PSMA8: variants seen among roughly 807,000 people sequenced by gnomAD.
PSMA8 encodes the protein proteasome subunit alpha-type 8.
Under a neutral mutation model 32.4 loss-of-function variants are expected in PSMA8, and 18 were observed. That is an observed-to-expected ratio of 0.56 (90% CI 0.38 to 0.82). The LOEUF (loss-of-function observed/expected upper bound fraction) is 0.82, where lower values mean the gene tolerates loss of function less well. PSMA8 is among the 40% of genes least tolerant of loss of function. PSMA8 has a pLI of 0.00. For synonymous variants in PSMA8, 104 were observed against 98.1 expected (o/e 1.06, Z -0.36); for missense variants, 298 against 300.7 (o/e 0.99, Z 0.07).
intron 3 of PSMA8, among the ~76,000 whole-genome samples, chr18:26,153,980 C>T (rs1261297757): frequency 6.6e-6 from 1 of 152,190 alleles, no homozygotes; most frequent in East Asian, 1.9e-4. Context: ...CAGCTCCCTG[C>T]AACCTCTGCC....
intron 4 of PSMA8, among the ~76,000 whole-genome samples, chr18:26,158,753 T>C (rs1276267781): frequency 6.6e-6 from 1 of 152,208 alleles, no homozygotes; most frequent in African/African-American, 2.4e-5. Flanking sequence ...CTGTTATTCT[T>C]GTTTTGACAC....
intron 6 of PSMA8, among the ~76,000 whole-genome samples, chr18:26,184,295 T>A (rs2055335221): frequency 6.6e-6 from 1 of 150,700 alleles, no homozygotes; most frequent in South Asian, 2.1e-4. Context: ...GATGAAAAAT[T>A]TAAAAAGAAC....
At chr18:26,186,067 C>T (rs1413438947) in intron 6 of PSMA8, among the ~76,000 whole-genome samples, 2 of 148,670 alleles carry the variant, frequency 1.3e-5, no homozygotes, top group African/African-American at 2.5e-5. Flanking sequence ...AGTGAAACCC[C>T]GTCTCTACTA....
At chr18:26,163,248 T>A in intron 4 of PSMA8, among the ~76,000 whole-genome samples, 1 of 112,738 alleles carries the variant, frequency 8.9e-6, no homozygotes, top group African/African-American at 3.6e-5. Context: ...TATATATATA[T>A]ATATATATAT....
intron 2 of PSMA8, among the ~76,000 whole-genome samples, chr18:26,151,259 G>A (rs1210694726): frequency 2.0e-5 from 3 of 152,168 alleles, no homozygotes; most frequent in Non-Finnish European, 4.4e-5. Context: ...TATTAAGAGA[G>A]GAGGGAAAGA....
In PSMA8 at chr18:26,190,982, T is replaced by C. The variant is rs141384986; in HGVS notation, c.661-1337T>C. On this transcript the variant is annotated intron_variant, in intron 6 of 6. Transcript: ENST00000415576. ...TGGGTAAATTCATTTCATAAAACGT[T>C]CAAATAATATATTTTATGTAGATTA... Among the ~76,000 whole-genome samples, 567 of 152,330 alleles carry C rather than the reference T, an allele frequency of 3.7e-3. 4 individuals are homozygous for C. The highest frequency in any genetic ancestry group is 0.013 in the African/African-American group (535 of 41,578).
rs1391587104 is a variant in PSMA8 at position 26,178,902 on chromosome 18, G to A, written c.550G>A (p.Ala184Thr). 17 of 1,613,730 alleles carry A rather than the reference G, an allele frequency of 1.1e-5. No individual in the cohort carries two copies. Among genetic ancestry groups the A allele is most frequent in the Non-Finnish European group, 1.4e-5 (16 of 1,179,800 alleles). ...AAAGAATTACACAGAAGATGCCATA[G>A]CAAGTGACAGTGAAGCTATCAAGTT... ...LEKNYTEDAI[A>T]SDSEAIKLAI... Residue 184 changes from alanine (A) to threonine (T), a missense_variant, in exon 5 of 7, where the codon GCA becomes ACA. Transcript: ENST00000415576.
Position 26,158,183 on chromosome 18 carries a change from A to C in PSMA8, c.416A>C (p.Asp139Ala), listed in dbSNP as rs1184618065. The C allele has an allele frequency of 2.5e-6, 4 of 1,607,460 alleles. No homozygotes were observed. The highest frequency in any genetic ancestry group is 3.4e-6 in the Non-Finnish European group (4 of 1,174,608). Residue 139 changes from aspartate to alanine, a missense_variant, in exon 4 of 7, where the codon GAT becomes GCT. By Grantham distance (126) the Asp-to-Ala change is moderately radical. Coordinates refer to ENST00000415576, the MANE Select transcript of PSMA8 (RefSeq NM_001025096.2). ...ATTTCTGCCTTAATTGTAGGTTTTG[A>C]TGATGATGGTATCTCAAGATTGTAT... ...FGISALIVGF[D>A]DDGISRLYQT...
chr18:26,165,572 C>A (rs1055828299), intron 4 of PSMA8, among the ~76,000 whole-genome samples: 1 of 135,954 alleles, frequency 7.4e-6, no homozygotes, highest in Non-Finnish European at 1.6e-5. Context: ...AGGGAATTTT[C>A]CCCCCCCAAG....
intron 6 of PSMA8, among the ~76,000 whole-genome samples, chr18:26,182,810 G>A (rs1178423483): frequency 6.6e-6 from 1 of 152,138 alleles, no homozygotes; most frequent in Admixed American, 6.5e-5. Flanking sequence ...ACCAACATTG[G>A]CTGGGCACGG....
At position 26,192,643 on chromosome 18, in the gene PSMA8, T is replaced by C; in HGVS notation, c.*232T>C. ...TTTCAGTAATTGTTGAGAGCAGTCA[T>C]AATTCCACATAAGCCTGAGACTCTA... On this transcript the variant is annotated 3_prime_UTR_variant, in exon 7 of 7. Coordinates refer to ENST00000415576, the MANE Select transcript of PSMA8 (RefSeq NM_001025096.2). 3.5e-6 allele frequency: 1 copy of C among 285,232 alleles called. No homozygotes were observed. Among genetic ancestry groups the C allele is most frequent in the East Asian group, 7.5e-5 (1 of 13,358 alleles). 17.7% of individuals were successfully genotyped at this position (285,232 alleles called of 1,614,324 possible). A position where few individuals can be genotyped will look rare whatever the true frequency, so the allele number is the denominator to read the frequency against.
chr18:26,142,855 G>C (rs575403219), intron 1 of PSMA8, among the ~76,000 whole-genome samples: 4 of 152,000 alleles, frequency 2.6e-5, no homozygotes, highest in Non-Finnish European at 5.9e-5. Flanking sequence ...CCTCTCAAAG[G>C]CCCTACCTCC....
chr18:26,177,978 C>A (rs909722171), intron 4 of PSMA8, among the ~76,000 whole-genome samples: 2 of 152,168 alleles, frequency 1.3e-5, no homozygotes, highest in African/African-American at 4.8e-5. Flanking sequence ...CTTTGGGAGG[C>A]CAAGCTGGGA....
chr18:26,144,900 T>C (rs8097190), intron 2 of PSMA8, among the ~76,000 whole-genome samples: 16,488 of 152,234 alleles, frequency 0.11, 1,429 homozygotes, highest in African/African-American at 0.22. Context: ...CTTCAAAATT[T>C]AGGTAGCTAT....
At chr18:26,140,317 C>T (rs1310638294) in intron 1 of PSMA8, among the ~76,000 whole-genome samples, 1 of 152,196 alleles carries the variant, frequency 6.6e-6, no homozygotes, top group Non-Finnish European at 1.5e-5. Context: ...AGGAGCAGAC[C>T]TGGAGCTTGG....
In PSMA8 at chr18:26,158,159, T is replaced by C; in HGVS notation, c.392T>C (p.Ile131Thr). 4 of 1,605,594 alleles carry C rather than the reference T, an allele frequency of 2.5e-6. No individual in the cohort carries two copies. Among genetic ancestry groups the C allele is most frequent in the Non-Finnish European group, 2.6e-6 (3 of 1,172,800 alleles). ...TQSNGRRPFG[I>T]SALIVGFDDD... ...AGCAATGGACGAAGACCTTTTGGTA[T>C]TTCTGCCTTAATTGTAGGTTTTGAT... Residue 131 changes from isoleucine (I) to threonine (T), a missense_variant, in exon 4 of 7, where the codon ATT becomes ACT. Transcript: ENST00000415576.
At chr18:26,167,303 A>G (rs1448449097) in intron 4 of PSMA8, among the ~76,000 whole-genome samples, 1 of 152,224 alleles carries the variant, frequency 6.6e-6, no homozygotes, top group Non-Finnish European at 1.5e-5. Context: ...AACATATTGC[A>G]ATATGTTGAA....
rs755621879 is a variant in PSMA8 at position 26,192,547 on chromosome 18, G to C, written c.*136G>C. The C allele has an allele frequency of 1.4e-4, 141 of 1,024,384 alleles. No homozygotes were observed. The highest frequency in any genetic ancestry group is 1.8e-4 in the Non-Finnish European group (139 of 764,248). The allele number at this position is 1,024,384 out of a possible 1,614,324, so 63.5% of individuals were successfully genotyped here. On this transcript the variant is annotated 3_prime_UTR_variant, in exon 7 of 7. Coordinates refer to ENST00000415576, the MANE Select transcript of PSMA8 (RefSeq NM_001025096.2). ...CTTGTGTGATGTTTTGAGAATGCCAGATCTGTGGCTGTCTTCATTCTATTA... is the reference window on the plus strand; with the variant it reads ...CTTGTGTGATGTTTTGAGAATGCCACATCTGTGGCTGTCTTCATTCTATTA...
chr18:26,150,068 A>G (rs1214954846), intron 2 of PSMA8, among the ~76,000 whole-genome samples: 1 of 152,214 alleles, frequency 6.6e-6, no homozygotes, highest in Non-Finnish European at 1.5e-5. Context: ...TTGAGCACCA[A>G]CATGATGCTC....
Sources: gnomAD v4.1 joint callset for allele counts (sites outside exome capture counted in the v4.1 genomes callset) on GRCh38, gnomAD v4.1.1 for gene constraint, MANE v1.5 for transcripts, NCBI Gene and HGNC (gene_info 2026-07-23, HGNC 2026-07-21) for gene names.